TREH: variants seen among roughly 807,000 people sequenced by gnomAD.
TREH encodes the protein trehalase.
Under a neutral mutation model 80.5 loss-of-function variants are expected in TREH, and 69 were observed. The ratio of observed to expected loss-of-function variants is 0.86; its 90% CI spans 0.71 to 1.05. The LOEUF is 1.05. Ranked by LOEUF, TREH falls within the 50% of genes least tolerant of loss-of-function variation. The pLI is 0.00. For missense variants in TREH, 716 were observed against 718.8 expected, an observed-to-expected ratio of 1.00 and a Z score of 0.04; for synonymous variants, 309 against 293.5, an observed-to-expected ratio of 1.05 and a Z score of -0.54.
chr11:118,661,024 C>A lies in TREH; in HGVS notation c.858-109G>T. The stretch of plus-strand genomic sequence containing the variant: ...CCAGCTGCCCTTGGGCCCCACAGCC[C>A]AGGATTGCAGAGGGCTCTCGGTGTC... On this transcript the variant is annotated intron_variant, in intron 8 of 14. Coordinates refer to ENST00000264029, the MANE Select transcript of TREH (RefSeq NM_007180.3). The surrounding 1 kb of genome is among the most constrained non-coding windows in gnomAD (Gnocchi z 4.2). 6.4e-7 allele frequency: 1 copy of A among 1,554,344 alleles called. No individual in the cohort carries two copies. Among genetic ancestry groups the A allele is most frequent in the East Asian group, 2.4e-5 (1 of 42,186 alleles).
chr11:118,668,315 G>A (rs1165139331), intron 1 of TREH, among the ~76,000 whole-genome samples: 1 of 151,246 alleles, frequency 6.6e-6, no homozygotes, highest in Non-Finnish European at 1.5e-5. Flanking sequence ...TAAAACTATG[G>A]GCCAGTATCA....
intron 1 of TREH, among the ~76,000 whole-genome samples, chr11:118,666,316 A>G (rs930102645): frequency 5.9e-5 from 9 of 152,208 alleles, no homozygotes; most frequent in Non-Finnish European, 1.3e-4. Context: ...GGGTTATACA[A>G]TGAGGGGAAT....
At chr11:118,679,501 A>T in intron 1 of TREH, 38 bp downstream of exon 1, 3 of 1,453,670 alleles carry the variant, frequency 2.1e-6, no homozygotes, top group Non-Finnish European at 2.7e-6. Flanking sequence ...CCTCCCTCTT[A>T]TTGCCATCCT....
Position 118,659,128 on chromosome 11 carries a change from C to A in TREH, c.1433-111G>T, listed in dbSNP as rs1949271654. ...GAAAGAGGCCTGGGCCCTAAGACTT[C>A]CTTCCTGAGACCACAGGCCAAACTG... On this transcript the variant is annotated intron_variant, in intron 12 of 14. Transcript: ENST00000264029. 1.4e-5 allele frequency: 17 copies of A among 1,196,260 alleles called. No individual in the cohort carries two copies. The South Asian group carries it at 2.1e-4, about 15-fold the overall frequency. 74.1% of individuals were successfully genotyped at this position (1,196,260 alleles called of 1,614,324 possible). A position where few individuals can be genotyped will look rare whatever the true frequency, so the allele number is the denominator to read the frequency against.
chr11:118,661,937 T>C lies in TREH; in HGVS notation c.477A>G (p.Glu159=). ...GACCGCCAGGCACAATGAAGGGATG[T>C]TCTGAGTAGATGAGAGAGAACCGCT... is the stretch of plus-strand genomic sequence containing the variant. The part of the protein sequence containing the change: ...HPERFSLIYS[E]HPFIVPGGRF... The change falls in exon 5 of 15, where the codon GAA becomes GAG. Residue 159 remains glutamate (E), a synonymous_variant. Coordinates refer to ENST00000264029, the MANE Select transcript of TREH (RefSeq NM_007180.3). This position sits in a 1 kb window ranked among gnomAD's most constrained non-coding sequence, Gnocchi z 4.2. 3 of 1,555,904 alleles carry C rather than the reference T, an allele frequency of 1.9e-6. No individual in the cohort carries two copies. The highest frequency in any genetic ancestry group is 2.6e-6 in the Non-Finnish European group (3 of 1,149,522).
At position 118,661,653 on chromosome 11, in the gene TREH, A is replaced by G. The variant is rs371184857; in HGVS notation, c.601T>C (p.Leu201=). Residue 201 remains leucine (L), a synonymous_variant, in exon 6 of 15, where the codon TTG becomes CTG. Transcript: ENST00000264029. The surrounding 1 kb of genome is among the most constrained non-coding windows in gnomAD (Gnocchi z 4.2). ...CCCCCTCACGTTTTCACCAGGTCCA[A>G]GAAGTTCTGCAGCATGCCCTTCACC... ...ETVKGMLQNF[L]DLVKTYGHVP... 6.0e-5 allele frequency: 97 copies of G among 1,613,776 alleles called. No individual in the cohort carries two copies. The highest frequency in any genetic ancestry group is 8.1e-5 in the Non-Finnish European group (95 of 1,179,856).
chr11:118,675,920 C>G (rs1263400654), intron 1 of TREH, among the ~76,000 whole-genome samples: 1 of 152,168 alleles, frequency 6.6e-6, no homozygotes, highest in Admixed American at 6.5e-5. Context: ...CCAGGCTGCT[C>G]TCAAATGCCT....
intron 4 of TREH, chr11:118,662,630 G>A: frequency 5.9e-6 from 3 of 509,124 alleles, no homozygotes; most frequent in Non-Finnish European, 1.1e-5. Flanking sequence ...CCTGGAGGTG[G>A]CAGGGCAGGC....
At chr11:118,675,103 G>A (rs1447970095) in intron 1 of TREH, among the ~76,000 whole-genome samples, 1 of 151,958 alleles carries the variant, frequency 6.6e-6, no homozygotes, top group South Asian at 2.1e-4. Context: ...ATTTCCATTG[G>A]TAACTTTTAC....
rs782539193 is a variant in TREH, at chr11:118,658,991, C to T, written c.1459G>A (p.Ala487Thr). ...GCCAGCTGGAAAGCCACTTCCTGGG[C>T]CCGACGTAAAGGTGCCTTGGCCAGG... Reference protein sequence around the residue: ...RGLAKAPLRRAQEVAFQLAQN... With the variant: ...RGLAKAPLRRTQEVAFQLAQN... Residue 487 changes from alanine to threonine, a missense_variant, in exon 13 of 15, where the codon GCC (alanine) becomes ACC (threonine). Transcript: ENST00000264029. 5.0e-6 allele frequency: 8 copies of T among 1,613,830 alleles called. No individual in the cohort carries two copies. Among genetic ancestry groups the T allele is most frequent in the Non-Finnish European group, 6.8e-6 (8 of 1,179,860 alleles).
chr11:118,658,770 C>T (rs1555144080), intron 13 of TREH, 37 bp from the exon 14 acceptor site: 7 of 1,609,454 alleles, frequency 4.3e-6, no homozygotes, highest in Admixed American at 1.7e-5. Flanking sequence ...TCAGGTACTG[C>T]CCCCCAGCTC....
At chr11:118,665,281 A>G (rs192870295) in intron 1 of TREH, among the ~76,000 whole-genome samples, 3 of 152,164 alleles carry the variant, frequency 2.0e-5, no homozygotes, top group Admixed American at 6.5e-5. Context: ...TTCCTACCCA[A>G]TACAGTGGCC....
At position 118,660,591 on chromosome 11, in the gene TREH, A is replaced by G. The variant is rs1949308789; in HGVS notation, c.1050T>C (p.Asn350=). 1 of 1,610,944 alleles carries G rather than the reference A, an allele frequency of 6.2e-7. No homozygotes were observed. Among genetic ancestry groups the G allele is most frequent in the Non-Finnish European group, 8.5e-7 (1 of 1,178,620 alleles). ...GCTCCTCTGCTTGGCATAGGAAGGC[A>G]TTCAGGTCAACAGGCACCAGTTTGC... The part of the protein sequence containing the change: ...RTSKLVPVDL[N]AFLCQAEELM... The change falls in exon 10 of 15, where the codon AAT becomes AAC. Residue 350 remains asparagine (N), a synonymous_variant. Coordinates refer to ENST00000264029, the MANE Select transcript of TREH (RefSeq NM_007180.3).
In TREH at chr11:118,662,867, C is replaced by A; in HGVS notation, c.423+14G>T. The stretch of plus-strand genomic sequence containing the variant: ...CCCTTGGTCAGGCCTTGGGCAGGCC[C>A]AGGACGCTGATACCTTCTTCCCCAG... On this transcript the variant is annotated intron_variant, in intron 4 of 14. Transcript: ENST00000264029. The A allele has an allele frequency of 6.4e-7, 1 of 1,565,978 alleles. No homozygotes were observed. Among genetic ancestry groups the A allele is most frequent in the Non-Finnish European group, 8.7e-7 (1 of 1,154,972 alleles).
chr11:118,675,784 A>G (rs1014856355), intron 1 of TREH, among the ~76,000 whole-genome samples: 35 of 55,530 alleles, frequency 6.3e-4, no homozygotes, highest in African/African-American at 2.7e-3. Context: ...ACTCACTGCA[A>G]CCTCCACCTC....
At chr11:118,665,406 G>A (rs999975964) in intron 1 of TREH, among the ~76,000 whole-genome samples, 18 of 151,966 alleles carry the variant, frequency 1.2e-4, no homozygotes, top group East Asian at 1.9e-4. Flanking sequence ...TTGGGAGGCC[G>A]AGGAGGGCGG....
intron 1 of TREH, among the ~76,000 whole-genome samples, chr11:118,663,974 C>T (rs908466082): frequency 1.4e-4 from 22 of 152,112 alleles, no homozygotes; most frequent in Admixed American, 9.8e-4. Context: ...ACCTGAAATA[C>T]CCATAATGTC....
intron 1 of TREH, among the ~76,000 whole-genome samples, chr11:118,672,713 CAAAAAAA>C (rs58199596): frequency 3.9e-4 from 17 of 43,972 alleles, no homozygotes; most frequent in East Asian, 2.7e-3. Context: ...GACTCCATCT[CAAAAAAA>C]AAAAAAAAAA....
chr11:118,678,554 G>A (rs1949502911), intron 1 of TREH, among the ~76,000 whole-genome samples: 1 of 150,120 alleles, frequency 6.7e-6, no homozygotes, highest in African/African-American at 2.5e-5. Context: ...ATAGAGATGG[G>A]GTTTCACCAT....
Sources: gnomAD v4.1 joint callset for allele counts (sites outside exome capture counted in the v4.1 genomes callset) on GRCh38, gnomAD v4.1.1 for gene constraint, Gnocchi (gnomAD v3.1) non-coding constraint, MANE v1.5 for transcripts, NCBI Gene and HGNC (gene_info 2026-07-23, HGNC 2026-07-21) for gene names.